GYPC: variants seen among roughly 807,000 people sequenced by gnomAD.
GYPC encodes glycophorin-C.
In GYPC, 14 loss-of-function variants were observed where a neutral mutation model predicts 12.6. The observed-to-expected ratio is 1.11, with a 90% confidence interval of 0.74 to 1.74. The LOEUF (loss-of-function observed/expected upper bound fraction) is 1.74, where lower values mean the gene tolerates loss of function less well. Ranked by LOEUF, GYPC falls within the 40% of genes most tolerant of loss-of-function variation. The pLI, the probability that GYPC is intolerant of heterozygous loss-of-function variation, is 0.00. For missense variants in GYPC, 225 were observed against 172.1 expected (o/e 1.31, Z -1.72); for synonymous variants, 78 against 62.1 (o/e 1.26, Z -1.20).
At chr2:126,689,704 C>A (rs1405634482) in intron 1 of GYPC, among the ~76,000 whole-genome samples, 2 of 152,108 alleles carry the variant, frequency 1.3e-5, no homozygotes, top group Non-Finnish European at 2.9e-5. Context: ...TGTCAGATCC[C>A]CTTCTGCTTT....
At chr2:126,687,361 T>C (rs1023330215) in intron 1 of GYPC, among the ~76,000 whole-genome samples, 4 of 152,170 alleles carry the variant, frequency 2.6e-5, no homozygotes, top group Non-Finnish European at 4.4e-5. Context: ...AGTCCTAGTG[T>C]TTTTCTTCAG....
At chr2:126,668,862 T>C (rs1444966046) in intron 1 of GYPC, among the ~76,000 whole-genome samples, 1 of 152,194 alleles carries the variant, frequency 6.6e-6, no homozygotes, top group Admixed American at 6.5e-5. Context: ...GACAGCAAGG[T>C]TCACATCATG....
At chr2:126,673,904 G>A (rs28369983) in intron 1 of GYPC, among the ~76,000 whole-genome samples, 1,563 of 152,252 alleles carry the variant, frequency 0.01, 21 homozygotes, top group Middle Eastern at 0.054. Flanking sequence ...ATTTAAGCTC[G>A]AGTCTCTGCT....
At chr2:126,689,962 C>T (rs1683405858) in intron 1 of GYPC, among the ~76,000 whole-genome samples, 1 of 152,200 alleles carries the variant, frequency 6.6e-6, no homozygotes, top group African/African-American at 2.4e-5. Flanking sequence ...GAGCATCTAC[C>T]ACATGCAGGC....
chr2:126,692,375 T>C (rs1683498574), intron 2 of GYPC, among the ~76,000 whole-genome samples: 1 of 152,074 alleles, frequency 6.6e-6, no homozygotes, highest in South Asian at 2.1e-4. Flanking sequence ...CCTCACCCAT[T>C]ATGACTCCTG....
At chr2:126,685,621 G>A (rs780433683) in intron 1 of GYPC, among the ~76,000 whole-genome samples, 8 of 152,072 alleles carry the variant, frequency 5.3e-5, no homozygotes, top group Non-Finnish European at 8.8e-5. Flanking sequence ...CTGACCTCAG[G>A]TGTTCCACCC....
chr2:126,676,238 G>A lies in GYPC; in HGVS notation c.50-14017G>A, dbSNP rs1036557275. Among the ~76,000 whole-genome samples, 3 of 152,348 alleles carry A rather than the reference G, an allele frequency of 2.0e-5. No homozygotes were observed. In the South Asian group the frequency reaches 6.2e-4, roughly 32 times the overall value. Reference sequence around the variant, plus strand: ...CCAGTCTGACAGAAGAGTAGATTGTGTTTGTGCTTACCCTTCTTCTCCTAA... The same window carrying A: ...CCAGTCTGACAGAAGAGTAGATTGTATTTGTGCTTACCCTTCTTCTCCTAA... On this transcript the variant is annotated intron_variant, in intron 1 of 3. Transcript: ENST00000259254.
intron 1 of GYPC, chr2:126,686,379 GC>G (rs1683289696): frequency 1.0e-6 from 1 of 985,670 alleles, no homozygotes. Context: ...AGGGGTGGCT[GC>G]CTTCTGCCAG....
intron 1 of GYPC, among the ~76,000 whole-genome samples, chr2:126,687,351 A>G (rs543842271): frequency 6.6e-6 from 1 of 152,334 alleles, no homozygotes; most frequent in Admixed American, 6.5e-5. Flanking sequence ...ACTGGGTCCC[A>G]GTCCTAGTGT....
At chr2:126,660,003 G>A (rs573585112) in intron 1 of GYPC, among the ~76,000 whole-genome samples, 9 of 152,210 alleles carry the variant, frequency 5.9e-5, no homozygotes, top group Non-Finnish European at 8.8e-5. Flanking sequence ...CCAGAGGCTC[G>A]GGGGAGATAA....
intron 1 of GYPC, 104 bp downstream of exon 1, chr2:126,656,416 C>G (rs1318976288): frequency 1.0e-6 from 1 of 976,948 alleles, no homozygotes; most frequent in Non-Finnish European, 1.5e-6. Flanking sequence ...TGTCCCGGTC[C>G]GTGCCGGGCC....
In GYPC at chr2:126,695,965, C is replaced by G. The variant is rs529857849; in HGVS notation, c.210C>G (p.Ala70=). 6 of 1,614,032 alleles carry G rather than the reference C, an allele frequency of 3.7e-6. No homozygotes were observed. The African/African-American group carries it at 8.0e-5, about 22-fold the overall frequency. ...VVIAGVIAAV[A]IVLVSLLFVM... is the part of the protein sequence containing the mutation. ...CTGCAGGTGTGATTGCTGCTGTGGC[C>G]ATCGTCCTAGTCTCCCTCCTCTTCG... The change falls in exon 4 of 4, where the codon GCC becomes GCG. Residue 70 remains alanine (A), a synonymous_variant. Transcript: ENST00000259254.
At chr2:126,687,677 C>T (rs941271971) in intron 1 of GYPC, among the ~76,000 whole-genome samples, 3 of 152,194 alleles carry the variant, frequency 2.0e-5, no homozygotes, top group African/African-American at 7.2e-5. Context: ...CCACCACGCT[C>T]CTCAGAGGGC....
At chr2:126,671,863 G>T (rs1682864716) in intron 1 of GYPC, among the ~76,000 whole-genome samples, 1 of 152,246 alleles carries the variant, frequency 6.6e-6, no homozygotes, top group African/African-American at 2.4e-5. Flanking sequence ...GAGATGGAAG[G>T]TGAGGAGTGA....
intron 1 of GYPC, among the ~76,000 whole-genome samples, chr2:126,675,357 T>C (rs1467454077): frequency 6.6e-6 from 1 of 152,240 alleles, no homozygotes; most frequent in African/African-American, 2.4e-5. Flanking sequence ...TGTGGAAACA[T>C]AGAATAATAA....
intron 2 of GYPC, among the ~76,000 whole-genome samples, chr2:126,692,185 C>A (rs1447227627): frequency 6.6e-6 from 1 of 152,062 alleles, no homozygotes; most frequent in African/African-American, 2.4e-5. Flanking sequence ...GATCCTATAC[C>A]CTGCCTGGTT....
intron 1 of GYPC, among the ~76,000 whole-genome samples, chr2:126,676,430 C>T (rs1320333549): frequency 6.6e-6 from 1 of 152,234 alleles, no homozygotes; most frequent in East Asian, 1.9e-4. Context: ...ACTTCAACCA[C>T]ATCAACTACA....
At chr2:126,692,882 C>T (rs954316647) in intron 2 of GYPC, among the ~76,000 whole-genome samples, 3 of 152,174 alleles carry the variant, frequency 2.0e-5, no homozygotes, top group African/African-American at 7.2e-5. Context: ...AAGTCCTGAC[C>T]TGATATCGGA....
At chr2:126,685,856 C>T in intron 1 of GYPC, 1 of 985,350 alleles carries the variant, frequency 1.0e-6, no homozygotes, top group Non-Finnish European at 1.2e-6. Flanking sequence ...CATGAAACAC[C>T]TGCATTTCCT....
Sources: gnomAD v4.1 joint callset for allele counts (sites outside exome capture counted in the v4.1 genomes callset) on GRCh38, gnomAD v4.1.1 for gene constraint, MANE v1.5 for transcripts, NCBI Gene and HGNC (gene_info 2026-07-23, HGNC 2026-07-21) for gene names.